EXD1: variants seen among roughly 807,000 people sequenced by gnomAD.
EXD1 encodes the protein piRNA biogenesis protein EXD1.
Under a neutral mutation model 49.1 loss-of-function variants are expected in EXD1, and 63 were observed. The ratio of observed to expected loss-of-function variants is 1.28; its 90% CI spans 1.05 to 1.58. The LOEUF (loss-of-function observed/expected upper bound fraction) is 1.58. Ranked by LOEUF, EXD1 falls within the 40% of genes most tolerant of loss-of-function variation. The pLI, the probability that EXD1 is intolerant of heterozygous loss-of-function variation, is 0.00. For synonymous variants in EXD1, 234 were observed against 239.2 expected (o/e 0.98, Z 0.20); for missense variants, 748 against 666.0 (o/e 1.12, Z -1.36).
chr15:41,218,379 G>A (rs1335529776), intron 3 of EXD1, among the ~76,000 whole-genome samples: 1 of 151,556 alleles, frequency 6.6e-6, no homozygotes, highest in Admixed American at 6.6e-5. Flanking sequence ...CCCAGCTCCT[G>A]GGGAGGATGA....
chr15:41,186,592 C>A (rs1477415705), intron 11 of EXD1, among the ~76,000 whole-genome samples: 1 of 150,978 alleles, frequency 6.6e-6, no homozygotes, highest in African/African-American at 2.4e-5. Flanking sequence ...ATTTACATAG[C>A]ATTTACGTTG....
chr15:41,214,499 C>T (rs376747488), intron 6 of EXD1, among the ~76,000 whole-genome samples: 2 of 146,298 alleles, frequency 1.4e-5, no homozygotes, highest in Admixed American at 6.8e-5. Context: ...GGCCACAAGG[C>T]GAGACTCCAT....
At chr15:41,216,906 G>A (rs2047008231) in intron 4 of EXD1, 111 bp from the exon 5 acceptor site, 2 of 1,497,434 alleles carry the variant, frequency 1.3e-6, no homozygotes, top group Non-Finnish European at 1.8e-6. Context: ...TTAACTAGAG[G>A]ACCCATTCAT....
Position 41,195,787 on chromosome 15 carries a change from G to A in EXD1, c.708C>T (p.Val236=). 2 of 1,613,024 alleles carry A rather than the reference G, an allele frequency of 1.2e-6. No individual in the cohort carries two copies. The highest frequency in any genetic ancestry group is 1.7e-6 in the Non-Finnish European group (2 of 1,179,674). The change falls in exon 9 of 12, where the codon GTC becomes GTT. Residue 236 remains valine (V), a synonymous_variant. Coordinates refer to ENST00000458580, the MANE Select transcript of EXD1 (RefSeq NM_001286441.2). ...TCCCTTCATGTACCTGTGTGTCAAAGACATTATTCAGCAAAATTCCATACT... is the reference window on the plus strand; with the variant it reads ...TCCCTTCATGTACCTGTGTGTCAAAAACATTATTCAGCAAAATTCCATACT... The part of the protein sequence containing the change: ...SHQYGILLNN[V]FDTQVADVLQ...
intron 7 of EXD1, among the ~76,000 whole-genome samples, chr15:41,197,785 G>C (rs992550682): frequency 1.4e-5 from 2 of 146,576 alleles, no homozygotes; most frequent in Admixed American, 6.8e-5. Flanking sequence ...CACCACACCT[G>C]GCTAATTTTT....
At chr15:41,226,928 C>T (rs529499222) in intron 1 of EXD1, among the ~76,000 whole-genome samples, 1 of 152,096 alleles carries the variant, frequency 6.6e-6, no homozygotes, top group East Asian at 1.9e-4. Flanking sequence ...TTTTTAATGG[C>T]ACATTTATAC....
In EXD1 at chr15:41,183,836, T is replaced by G; in HGVS notation, c.*95A>C. The G allele has an allele frequency of 1.6e-6, 2 of 1,253,420 alleles. No homozygotes were observed. The highest frequency in any genetic ancestry group is 2.2e-6 in the Non-Finnish European group (2 of 905,070). 77.6% of individuals were successfully genotyped at this position (1,253,420 alleles called of 1,614,324 possible). A position where few individuals can be genotyped will look rare whatever the true frequency, so the allele number is the denominator to read the frequency against. On this transcript the variant is annotated 3_prime_UTR_variant, in exon 12 of 12. Coordinates refer to ENST00000458580, the MANE Select transcript of EXD1 (RefSeq NM_001286441.2). ...TTTTCCCCTGTGACTGAAGCATTACTACATTTACAACATGAGAAACCTGGG... is the reference window on the plus strand; with the variant it reads ...TTTTCCCCTGTGACTGAAGCATTACGACATTTACAACATGAGAAACCTGGG...
chr15:41,199,007 A>T (rs1324709438), intron 7 of EXD1, among the ~76,000 whole-genome samples: 1 of 151,064 alleles, frequency 6.6e-6, no homozygotes. Context: ...TCTGTTGCCC[A>T]GGCTGGAGTG....
At chr15:41,214,278 AGAT>A in intron 6 of EXD1, among the ~76,000 whole-genome samples, 1 of 152,170 alleles carries the variant, frequency 6.6e-6, no homozygotes, top group African/African-American at 2.4e-5. Flanking sequence ...TGGGAGGCGG[AGAT>A]AGGCAGATCA....
intron 7 of EXD1, among the ~76,000 whole-genome samples, chr15:41,198,109 T>C (rs2046644468): frequency 6.6e-6 from 1 of 152,190 alleles, no homozygotes; most frequent in Non-Finnish European, 1.5e-5. Context: ...TTGGTCTTCC[T>C]TCTGATTTCC....
At chr15:41,186,158 T>C (rs1362212265) in intron 11 of EXD1, among the ~76,000 whole-genome samples, 1 of 152,050 alleles carries the variant, frequency 6.6e-6, no homozygotes, top group Admixed American at 6.6e-5. Flanking sequence ...GGGTTCTGCA[T>C]CCATGGATTC....
intron 11 of EXD1, among the ~76,000 whole-genome samples, chr15:41,185,176 C>A (rs1258876039): frequency 6.6e-6 from 1 of 152,128 alleles, no homozygotes; most frequent in Non-Finnish European, 1.5e-5. Context: ...CCAGCCTGGC[C>A]TCAGCTGCGT....
At chr15:41,211,919 A>G (rs1291042896) in intron 6 of EXD1, among the ~76,000 whole-genome samples, 1 of 151,978 alleles carries the variant, frequency 6.6e-6, no homozygotes, top group East Asian at 1.9e-4. Flanking sequence ...AGCCAAGATC[A>G]TGCCACTGCA....
intron 9 of EXD1, among the ~76,000 whole-genome samples, chr15:41,194,289 G>A (rs1201170613): frequency 6.6e-6 from 1 of 152,222 alleles, no homozygotes; most frequent in East Asian, 1.9e-4. Context: ...GGGATTACAG[G>A]TGTGAGCCAC....
At chr15:41,184,654 A>AGT in intron 11 of EXD1, 61 bp from the exon 12 acceptor site, 1 of 1,420,096 alleles carries the variant, frequency 7.0e-7, no homozygotes, top group Non-Finnish European at 9.2e-7. Context: ...GGTACTTAAA[A>AGT]TCACTTTTTT....
intron 7 of EXD1, among the ~76,000 whole-genome samples, chr15:41,206,341 G>A (rs943942192): frequency 6.6e-6 from 1 of 151,760 alleles, no homozygotes; most frequent in East Asian, 2.0e-4. Context: ...GTAGAGGTGA[G>A]TGCCTGTAAT....
intron 6 of EXD1, among the ~76,000 whole-genome samples, chr15:41,215,288 T>C (rs1196330546): frequency 1.3e-5 from 2 of 152,070 alleles, no homozygotes; most frequent in Non-Finnish European, 2.9e-5. Context: ...TTGTCTTGAT[T>C]ATGGTTTTAC....
chr15:41,217,177 C>G, intron 3 of EXD1, 23 bp from the exon 4 acceptor site: 2 of 1,606,880 alleles, frequency 1.2e-6, no homozygotes, highest in Non-Finnish European at 1.7e-6. Context: ...CAAATGGCTT[C>G]CAACAGAGTT....
At chr15:41,188,343 C>T (rs537218047) in intron 11 of EXD1, among the ~76,000 whole-genome samples, 2 of 151,090 alleles carry the variant, frequency 1.3e-5, no homozygotes, top group Non-Finnish European at 3.0e-5. Context: ...TCCCCCTCCC[C>T]TTGTCCCCTC....
Sources: allele counts gnomAD v4.1 joint callset (sites outside exome capture counted in the v4.1 genomes callset), GRCh38; gene constraint gnomAD v4.1.1; transcripts MANE v1.5; gene names NCBI Gene and HGNC (gene_info 2026-07-23, HGNC 2026-07-21).